Variants in ROBO1 observed in about 807,000 individuals in gnomAD.
The protein encoded by ROBO1 is roundabout homolog 1.
A neutral mutation model predicts 195.9 loss-of-function variants in ROBO1; 149 were observed. The observed-to-expected ratio is 0.76, with a 90% confidence interval of 0.67 to 0.87. The LOEUF (loss-of-function observed/expected upper bound fraction) is 0.87, where lower values mean the gene tolerates loss of function less well. Ranked by LOEUF, ROBO1 falls within the 40% of genes least tolerant of loss-of-function variation. The pLI is 0.00. For synonymous variants in ROBO1, 816 were observed against 733.2 expected (o/e 1.11, Z -1.82); for missense variants, 1,933 against 2,068.3 (o/e 0.93, Z 1.27).
chr3:78,816,504 G>T (rs79046419), intron 4 of ROBO1, among the ~76,000 whole-genome samples: 4,632 of 152,116 alleles, frequency 0.03, 187 homozygotes, highest in African/African-American at 0.095. Context: ...TTAATATTTT[G>T]TAAGGCTATA....
chr3:78,901,135 T>C (rs187209206), intron 4 of ROBO1, among the ~76,000 whole-genome samples: 5 of 152,352 alleles, frequency 3.3e-5, no homozygotes, highest in Admixed American at 2.0e-4. Flanking sequence ...GCACACGATG[T>C]CATGCTGACT....
intron 1 of ROBO1, among the ~76,000 whole-genome samples, chr3:79,658,032 G>A (rs4856444): frequency 0.6 from 90,448 of 151,912 alleles, 27,410 homozygotes; most frequent in African/African-American, 0.7. Flanking sequence ...GTATAGACAA[G>A]CAATTGCAGG....
chr3:79,475,799 C>T (rs1938520018), intron 2 of ROBO1, among the ~76,000 whole-genome samples: 2 of 152,022 alleles, frequency 1.3e-5, no homozygotes, highest in Admixed American at 1.3e-4. Flanking sequence ...CTTTGTAAAC[C>T]CCTAAGTACA....
At chr3:79,420,666 G>T (rs1452670187) in intron 2 of ROBO1, among the ~76,000 whole-genome samples, 1 of 152,130 alleles carries the variant, frequency 6.6e-6, no homozygotes. Flanking sequence ...CCAATAGAAT[G>T]CAGTGAAAGC....
chr3:79,031,802 T>C (rs1057286385), intron 3 of ROBO1, among the ~76,000 whole-genome samples: 5 of 152,136 alleles, frequency 3.3e-5, no homozygotes, highest in Middle Eastern at 3.2e-3. Flanking sequence ...CTGAACACTT[T>C]TTCAATTAAT....
Position 78,938,784 on chromosome 3 carries a change from C to G in ROBO1, c.316G>C (p.Glu106Gln), listed in dbSNP as rs774468422. The G allele has an allele frequency of 1.4e-5, 23 of 1,613,920 alleles. No homozygotes were observed. The highest frequency in any genetic ancestry group is 1.8e-5 in the Non-Finnish European group (21 of 1,179,904). Residue 106 changes from glutamate (E) to glutamine (Q), a missense_variant, in exon 4 of 31, where the codon GAG becomes CAG. Physicochemically the swap from Glu to Gln is conservative, Grantham distance 29. Around this residue, in one of 3 missense-constraint regions of ROBO1, gnomAD observed 185 missense variants for 159.5 expected, o/e 1.16. Transcript: ENST00000464233. Reference protein sequence around the residue: ...TPTIEWYKGGERVETDKDDPR... With the variant: ...TPTIEWYKGGQRVETDKDDPR... ...TCATCTTTGTCTGTCTCCACTCTCTCTCCCCCTTTGTACCATTCAATAGTG... is the reference window on the plus strand; with the variant it reads ...TCATCTTTGTCTGTCTCCACTCTCTGTCCCCCTTTGTACCATTCAATAGTG...
intron 4 of ROBO1, among the ~76,000 whole-genome samples, chr3:78,782,194 C>CT (rs113180244): frequency 3.4e-4 from 51 of 149,384 alleles, no homozygotes; most frequent in African/African-American, 6.4e-4. Flanking sequence ...AGTTGAAATT[C>CT]TTTTTTTTTT....
At chr3:79,765,905 G>A (rs924482508) in intron 1 of ROBO1, among the ~76,000 whole-genome samples, 1 of 152,038 alleles carries the variant, frequency 6.6e-6, no homozygotes, top group African/African-American at 2.4e-5. Flanking sequence ...CCACTACTTG[G>A]AAACAGACAA....
chr3:79,055,026 C>A (rs1200239676), intron 3 of ROBO1, among the ~76,000 whole-genome samples: 1 of 152,104 alleles, frequency 6.6e-6, no homozygotes, highest in Non-Finnish European at 1.5e-5. Context: ...TAGCACCATT[C>A]CTCTAAATTT....
intron 3 of ROBO1, among the ~76,000 whole-genome samples, chr3:78,994,090 T>C (rs577224810): frequency 9.9e-5 from 15 of 152,244 alleles, no homozygotes; most frequent in South Asian, 4.1e-4. Context: ...AATTGATCTA[T>C]ATAGATATCA....
intron 4 of ROBO1, among the ~76,000 whole-genome samples, chr3:78,896,447 T>TC (rs1227870405): frequency 6.6e-6 from 1 of 151,662 alleles, no homozygotes; most frequent in African/African-American, 2.4e-5. Context: ...CTTTGTAATC[T>TC]CCCCCACCCT....
At chr3:79,271,910 T>A (rs1217700725) in intron 2 of ROBO1, among the ~76,000 whole-genome samples, 1 of 152,030 alleles carries the variant, frequency 6.6e-6, no homozygotes, top group Admixed American at 6.6e-5. Flanking sequence ...TATTTTGAAA[T>A]GTGGATTCTG....
chr3:79,425,783 C>T (rs1005704245), intron 2 of ROBO1, among the ~76,000 whole-genome samples: 68 of 152,020 alleles, frequency 4.5e-4, no homozygotes, highest in African/African-American at 1.6e-3. Context: ...GCAGACCAGA[C>T]AGAAAACCGA....
At chr3:79,510,183 C>T (rs1230461895) in intron 2 of ROBO1, among the ~76,000 whole-genome samples, 2 of 152,160 alleles carry the variant, frequency 1.3e-5, no homozygotes, top group African/African-American at 2.4e-5. Context: ...ACCATAATCC[C>T]CACGTCATGG....
At chr3:79,760,496 C>CAAAAAAAA (rs1559562438) in intron 1 of ROBO1, among the ~76,000 whole-genome samples, 1 of 71,532 alleles carries the variant, frequency 1.4e-5, no homozygotes, top group Non-Finnish European at 3.2e-5. Flanking sequence ...CAATGCAATA[C>CAAAAAAAA]CAAAAAAAAA....
chr3:78,767,088 T>G (rs2108400011), intron 4 of ROBO1, among the ~76,000 whole-genome samples: 1 of 152,234 alleles, frequency 6.6e-6, no homozygotes, highest in South Asian at 2.1e-4. Flanking sequence ...CCTTTTTTGG[T>G]AATATCCTTT....
intron 2 of ROBO1, among the ~76,000 whole-genome samples, chr3:79,531,289 A>G (rs929601445): frequency 2.0e-5 from 3 of 152,184 alleles, no homozygotes; most frequent in Non-Finnish European, 2.9e-5. Flanking sequence ...AATTAATAAT[A>G]TATTACTCAG....
At chr3:79,208,860 T>C (rs1230672353) in intron 2 of ROBO1, among the ~76,000 whole-genome samples, 1 of 151,844 alleles carries the variant, frequency 6.6e-6, no homozygotes, top group Non-Finnish European at 1.5e-5. Flanking sequence ...TTCCGAGAAA[T>C]TTCTGCCATA....
intron 1 of ROBO1, among the ~76,000 whole-genome samples, chr3:79,637,448 G>A (rs573703605): frequency 2.4e-5 from 3 of 125,474 alleles, no homozygotes; most frequent in Non-Finnish European, 3.3e-5. Flanking sequence ...TAAAACTCAC[G>A]TTTGATTGAT....
Sources: gnomAD v4.1 joint callset for allele counts (sites outside exome capture counted in the v4.1 genomes callset) on GRCh38, gnomAD v4.1.1 for gene constraint, gnomAD v4.1.1 regional missense constraint, MANE v1.5 for transcripts, NCBI Gene and HGNC (gene_info 2026-07-23, HGNC 2026-07-21) for gene names.